Variants in CELF2 observed in about 807,000 individuals in gnomAD.
CELF2 encodes CUG triplet repeat RNA-binding protein 2.
In CELF2, 8 loss-of-function variants were observed where a neutral mutation model predicts 62.6. The observed-to-expected ratio is 0.13, with a 90% CI of 0.07 to 0.23. The LOEUF (loss-of-function observed/expected upper bound fraction) is 0.23. CELF2 is among the 10% of genes least tolerant of loss of function. The pLI, the probability that CELF2 is intolerant of heterozygous loss-of-function variation, is 1.00. For synonymous variants in CELF2, 258 were observed against 250.0 expected (o/e 1.03, Z -0.30); for missense variants, 333 against 671.0 (o/e 0.50, Z 5.56).
At chr10:10,918,943 C>T (rs1347349340) in intron 1 of CELF2, among the ~76,000 whole-genome samples, 1 of 152,110 alleles carries the variant, frequency 6.6e-6, no homozygotes, top group African/African-American at 2.4e-5. Context: ...ACTCATTGTT[C>T]CCTTCTCGTT....
At position 10,936,314 on chromosome 10, in the gene CELF2, A is replaced by AGG. The variant is rs1564846221; in HGVS notation, c.89+16315_89+16316insGG. Among the ~76,000 whole-genome samples, 406 of 152,328 alleles carry AGG rather than the reference A, an allele frequency of 2.7e-3. No homozygotes were observed. Among genetic ancestry groups the AGG allele is most frequent in the African/African-American group, 9.3e-3 (385 of 41,552 alleles). On this transcript the variant is annotated intron_variant, in intron 2 of 13. Transcript: ENST00000636488. The surrounding 1 kb of genome is among the most constrained non-coding windows in gnomAD (Gnocchi z 4.0). ...TGTCCAAGATCACAGAGTAATCTGCATAATTGTGCAAAAATTCTCATGTTA... is the reference window on the plus strand; with the variant it reads ...TGTCCAAGATCACAGAGTAATCTGCAGGTAATTGTGCAAAAATTCTCATGTTA...
the CELF2 span, among the ~76,000 whole-genome samples, chr10:10,515,550 T>A: frequency 2.0e-5 from 3 of 152,212 alleles, no homozygotes; most frequent in African/African-American, 7.2e-5. Flanking sequence ...TCATTTGAAC[T>A]CAAAAGAATC....
At chr10:10,924,440 A>C (rs1389687597) in intron 2 of CELF2, among the ~76,000 whole-genome samples, 1 of 152,176 alleles carries the variant, frequency 6.6e-6, no homozygotes, top group African/African-American at 2.4e-5. Context: ...TAAACTAAAC[A>C]GTTTAGAAAA....
the CELF2 span, among the ~76,000 whole-genome samples, chr10:10,511,304 G>A: frequency 6.6e-6 from 1 of 152,076 alleles, no homozygotes; most frequent in Non-Finnish European, 1.5e-5. Context: ...CCAGCCACTG[G>A]AGAGACTGAG....
rs1251337656 is a variant in CELF2 at position 11,247,285 on chromosome 10, C to T, written c.355-1868C>T. 6.6e-6 allele frequency among the ~76,000 whole-genome samples: 1 copy of T among 152,232 alleles called. No homozygotes were observed. The highest frequency in any genetic ancestry group is 2.4e-5 in the African/African-American group (1 of 41,462). ...CTGGGTGTTGCCCACCTTCACCGCCCCTTCCCGTGGTCCTCCATGCTCACA... is the reference window on the plus strand; with the variant it reads ...CTGGGTGTTGCCCACCTTCACCGCCTCTTCCCGTGGTCCTCCATGCTCACA... On this transcript the variant is annotated intron_variant, in intron 3 of 12. Coordinates refer to ENST00000633077, the MANE Select transcript of CELF2 (RefSeq NM_001326342.2). This position sits in a 1 kb window ranked among gnomAD's most constrained non-coding sequence, Gnocchi z 5.4.
In CELF2 at chr10:11,329,861, T is replaced by TA. The variant is rs557631614; in HGVS notation, c.*814dup. On this transcript the variant is annotated 3_prime_UTR_variant, in exon 13 of 13. Transcript: ENST00000633077. The surrounding 1 kb of genome is among the most constrained non-coding windows in gnomAD (Gnocchi z 5.5). Reference sequence around the variant, plus strand: ...ATAAATAAATACATAAATACATAAATAAAAAAGAAAGCCACAGGCCTGTAA... The same window carrying TA: ...ATAAATAAATACATAAATACATAAATAAAAAAAGAAAGCCACAGGCCTGTAA... The TA allele has an allele frequency of 6.6e-6, 1 of 152,218 alleles. No individual in the cohort carries two copies. Among genetic ancestry groups the TA allele is most frequent in the Non-Finnish European group, 1.5e-5 (1 of 67,986 alleles). The allele number at this position is 152,218 out of a possible 1,614,324, so 9.4% of individuals were successfully genotyped here.
At chr10:11,120,915 C>G (rs887451085) in intron 1 of CELF2, among the ~76,000 whole-genome samples, 1 of 152,220 alleles carries the variant, frequency 6.6e-6, no homozygotes, top group Non-Finnish European at 1.5e-5. Context: ...TGCAGAATTA[C>G]TGCAGGTGCA....
intron 5 of CELF2, among the ~76,000 whole-genome samples, chr10:11,262,435 C>T (rs931147436): frequency 2.0e-5 from 3 of 152,136 alleles, no homozygotes; most frequent in African/African-American, 7.2e-5. Context: ...TCAGCTCTGC[C>T]CACACAGTAC....
At chr10:10,493,699 T>C in the CELF2 span, among the ~76,000 whole-genome samples, 2 of 152,034 alleles carry the variant, frequency 1.3e-5, no homozygotes, top group Non-Finnish European at 2.9e-5. Flanking sequence ...ATACAGCTAA[T>C]TTTTGTATGT....
chr10:11,008,325 C>A lies in CELF2; in HGVS notation c.53+2885C>A, dbSNP rs530882812. Among the ~76,000 whole-genome samples, 1 of 152,306 alleles carries A rather than the reference C, an allele frequency of 6.6e-6. No homozygotes were observed. The highest frequency in any genetic ancestry group is 1.5e-5 in the Non-Finnish European group (1 of 68,022). The stretch of plus-strand genomic sequence containing the variant: ...TTCTGCCATGAGCTTTGGGAATATT[C>A]ACATAGATGTGTTCAGCAGACCACA... On this transcript the variant is annotated intron_variant, in intron 1 of 12. Coordinates refer to the CELF2 transcript ENST00000416382. The surrounding 1 kb of genome is among the most constrained non-coding windows in gnomAD (Gnocchi z 4.5).
At chr10:10,586,058 C>T in the CELF2 span, among the ~76,000 whole-genome samples, 559 of 152,286 alleles carry the variant, frequency 3.7e-3, 6 homozygotes, top group African/African-American at 0.013. Flanking sequence ...ATTAGCCTTT[C>T]AGAAGAGAAG....
the CELF2 span, among the ~76,000 whole-genome samples, chr10:10,519,339 A>G: frequency 6.6e-6 from 1 of 152,210 alleles, no homozygotes. Flanking sequence ...ATAGCCTAAT[A>G]TTAGGCTAAA....
chr10:10,765,396 T>C, the CELF2 span, among the ~76,000 whole-genome samples: 1 of 152,146 alleles, frequency 6.6e-6, no homozygotes, highest in Non-Finnish European at 1.5e-5. Context: ...GCAGAGCTGG[T>C]CCTACAGCAA....
At chr10:10,635,401 C>A in the CELF2 span, among the ~76,000 whole-genome samples, 1 of 152,066 alleles carries the variant, frequency 6.6e-6, no homozygotes, top group East Asian at 1.9e-4. Context: ...TTCCATGTAC[C>A]AGTTTATCAA....
chr10:10,540,606 CA>C, the CELF2 span, among the ~76,000 whole-genome samples: 3 of 152,214 alleles, frequency 2.0e-5, no homozygotes, highest in Admixed American at 2.0e-4. Context: ...TCTCCCAGGC[CA>C]AATCAGTGAA....
intron 2 of CELF2, among the ~76,000 whole-genome samples, chr10:10,952,750 G>A (rs2048467405): frequency 6.6e-6 from 1 of 151,890 alleles, no homozygotes; most frequent in African/African-American, 2.4e-5. Context: ...TCAGCCATTT[G>A]TATAATGTAA....
rs1017096937 is a variant in CELF2, at chr10:11,145,931, C to T, written c.75-19555C>T. 3.3e-5 allele frequency among the ~76,000 whole-genome samples: 5 copies of T among 152,180 alleles called. No homozygotes were observed. The highest frequency in any genetic ancestry group is 1.2e-4 in the African/African-American group (5 of 41,446). On this transcript the variant is annotated intron_variant, in intron 1 of 12. Transcript: ENST00000633077. This position sits in a 1 kb window ranked among gnomAD's most constrained non-coding sequence, Gnocchi z 4.3. ...TTTTTTCTTTTTCATTTTCTAACTACTACTTAAAATCCAAGAACATTGTGA... is the reference window on the plus strand; with the variant it reads ...TTTTTTCTTTTTCATTTTCTAACTATTACTTAAAATCCAAGAACATTGTGA...
At chr10:10,517,543 ATACTCAGGGCCCATATTC>A in the CELF2 span, among the ~76,000 whole-genome samples, 1 of 152,200 alleles carries the variant, frequency 6.6e-6, no homozygotes, top group African/African-American at 2.4e-5. Flanking sequence ...GTTCAGGCCA[ATACTCAGGGCCCATATTC>A]TACATCTGAA....
At chr10:10,787,504 T>C in the CELF2 span, among the ~76,000 whole-genome samples, 1 of 152,180 alleles carries the variant, frequency 6.6e-6, no homozygotes, top group Non-Finnish European at 1.5e-5. Flanking sequence ...AAACGCAAAC[T>C]TTATAAACAG....
Sources: allele counts gnomAD v4.1 joint callset (sites outside exome capture counted in the v4.1 genomes callset), GRCh38; gene constraint gnomAD v4.1.1; non-coding constraint Gnocchi (gnomAD v3.1); transcripts MANE v1.5; gene names NCBI Gene and HGNC (gene_info 2026-07-23, HGNC 2026-07-21).